The following AUTS2 variants were observed in gnomAD, a reference collection of about 807,000 sequenced individuals.
AUTS2 encodes the protein activator of transcription and developmental regulator AUTS2.
Under a neutral mutation model 112.4 loss-of-function variants are expected in AUTS2, and 17 were observed. The observed-to-expected ratio is 0.15, with a 90% CI of 0.10 to 0.23. The LOEUF is 0.23. Among genes scored for constraint, AUTS2 ranks in the 10% least tolerant of loss-of-function variants. AUTS2 has a pLI of 1.00. For missense variants in AUTS2, 1,510 were observed against 1,701.6 expected, an observed-to-expected ratio of 0.89 and a Z score of 1.98; for synonymous variants, 751 against 702.7, an observed-to-expected ratio of 1.07 and a Z score of -1.09.
intron 4 of AUTS2, among the ~76,000 whole-genome samples, chr7:70,211,220 C>T (rs563613163): frequency 6.6e-6 from 1 of 152,146 alleles, no homozygotes; most frequent in South Asian, 2.1e-4. Context: ...CTATGTATTT[C>T]CCCTTATAAA....
chr7:70,066,854 T>A (rs545641831), intron 2 of AUTS2, among the ~76,000 whole-genome samples: 1 of 152,204 alleles, frequency 6.6e-6, no homozygotes, highest in Non-Finnish European at 1.5e-5. Context: ...GTAAATAATT[T>A]TAAGAATCTT....
rs184513324 is a variant in AUTS2 at position 69,709,612 on chromosome 7, G to A, written c.309+109650G>A. ...AATAAGCACATTTCTGAAACCACCC[G>A]TCTGAGTGCACACTTGTGCAGATAA... On this transcript the variant is annotated intron_variant, in intron 1 of 18. Coordinates refer to ENST00000342771, the MANE Select transcript of AUTS2 (RefSeq NM_015570.4). 3.3e-5 allele frequency among the ~76,000 whole-genome samples: 5 copies of A among 152,286 alleles called. No homozygotes were observed. The East Asian group carries it at 9.7e-4, about 29-fold the overall frequency.
chr7:69,996,815 C>T (rs1317776187), intron 2 of AUTS2, among the ~76,000 whole-genome samples: 2 of 152,030 alleles, frequency 1.3e-5, no homozygotes, highest in Non-Finnish European at 1.5e-5. Flanking sequence ...AGCCCATTTA[C>T]TCATAAACTG....
chr7:70,759,714 C>T (rs953227567), intron 6 of AUTS2, among the ~76,000 whole-genome samples: 5 of 152,274 alleles, frequency 3.3e-5, no homozygotes, highest in South Asian at 4.2e-4. Flanking sequence ...GGGAAGCGAG[C>T]CCACGCCTGC....
chr7:70,527,073 T>A (rs1563017240), intron 5 of AUTS2, among the ~76,000 whole-genome samples: 1 of 152,246 alleles, frequency 6.6e-6, no homozygotes, highest in Non-Finnish European at 1.5e-5. Flanking sequence ...CTGAGCTGCC[T>A]TCCTGGGGTT....
intron 2 of AUTS2, among the ~76,000 whole-genome samples, chr7:70,101,611 C>G (rs1804499411): frequency 6.6e-6 from 1 of 152,146 alleles, no homozygotes; most frequent in Non-Finnish European, 1.5e-5. Flanking sequence ...ACAAGAATTG[C>G]TTGAACCTGG....
chr7:70,303,432 G>GCACACACACACA (rs762636923), intron 4 of AUTS2, among the ~76,000 whole-genome samples: 87 of 103,078 alleles, frequency 8.4e-4, no homozygotes, highest in African/African-American at 2.6e-3. Flanking sequence ...ACGCGCGCGC[G>GCACACACACACA]CGCACATACA....
At chr7:70,673,261 G>T (rs556551172) in intron 5 of AUTS2, among the ~76,000 whole-genome samples, 1 of 152,298 alleles carries the variant, frequency 6.6e-6, no homozygotes, top group African/African-American at 2.4e-5. Flanking sequence ...AGGAATAAGG[G>T]ACCTGGGCAG....
At chr7:70,018,702 C>T (rs1800140458) in intron 2 of AUTS2, among the ~76,000 whole-genome samples, 1 of 152,056 alleles carries the variant, frequency 6.6e-6, no homozygotes, top group Admixed American at 6.5e-5. Flanking sequence ...CATAATCTGC[C>T]GTGGTGAGTT....
At chr7:69,629,545 T>A in intron 1 of AUTS2, among the ~76,000 whole-genome samples, 1 of 152,218 alleles carries the variant, frequency 6.6e-6, no homozygotes, top group South Asian at 2.1e-4. Context: ...GACATTTTAA[T>A]GAGATGAGCC....
At chr7:70,479,679 A>T (rs1468564843) in intron 5 of AUTS2, among the ~76,000 whole-genome samples, 2 of 152,040 alleles carry the variant, frequency 1.3e-5, no homozygotes, top group East Asian at 3.9e-4. Context: ...TTGGTCGAGG[A>T]CATTGGTTTT....
chr7:69,715,241 A>T (rs200161137), intron 1 of AUTS2, among the ~76,000 whole-genome samples: 9,556 of 151,686 alleles, frequency 0.063, 341 homozygotes, highest in East Asian at 0.13. Flanking sequence ...AAAAAAAAAA[A>T]AAAAAGGAAA....
At chr7:69,938,396 T>C (rs1424802245) in intron 2 of AUTS2, among the ~76,000 whole-genome samples, 1 of 152,236 alleles carries the variant, frequency 6.6e-6, no homozygotes, top group African/African-American at 2.4e-5. Flanking sequence ...TCTCTACTTA[T>C]TTTAGTTTTT....
intron 5 of AUTS2, among the ~76,000 whole-genome samples, chr7:70,441,770 G>A (rs1444304712): frequency 6.6e-6 from 1 of 152,190 alleles, no homozygotes; most frequent in African/African-American, 2.4e-5. Context: ...AAGAAAAGGA[G>A]CAAAGAAAAC....
chr7:69,802,272 C>T (rs1340351193), intron 1 of AUTS2, among the ~76,000 whole-genome samples: 1 of 152,140 alleles, frequency 6.6e-6, no homozygotes, highest in Non-Finnish European at 1.5e-5. Context: ...CTGTCTTTTC[C>T]TTTTCATGGG....
chr7:70,698,503 A>T (rs1809260822), intron 5 of AUTS2, 66 bp from the exon 6 acceptor site: 2 of 1,312,268 alleles, frequency 1.5e-6, no homozygotes, highest in Non-Finnish European at 2.2e-6. Flanking sequence ...AAATAATGGG[A>T]ATGTTGATGG....
chr7:69,853,468 A>G (rs1056156467), intron 1 of AUTS2, among the ~76,000 whole-genome samples: 4 of 151,882 alleles, frequency 2.6e-5, no homozygotes, highest in Non-Finnish European at 5.9e-5. Flanking sequence ...GACTGTTTTC[A>G]TTGTATATAT....
In AUTS2 at chr7:70,789,790, A is replaced by C; in HGVS notation, c.2574A>C (p.Ala858=). 1 of 1,613,892 alleles carries C rather than the reference A, an allele frequency of 6.2e-7. No homozygotes were observed. The highest frequency in any genetic ancestry group is 8.5e-7 in the Non-Finnish European group (1 of 1,179,954). Residue 858 remains alanine (A), a synonymous_variant, in exon 19 of 19, where the codon GCA becomes GCC. Transcript: ENST00000342771. ...GACACTCCAGCCACCCTTCACCAGC[A>C]CCTGTCCTCCCGGTGAATGCCCTGG... ...EKRHSSHPSP[A]PVLPVNALGH... is the part of the protein sequence containing the mutation.
chr7:70,411,625 A>T (rs1794779689), intron 4 of AUTS2, among the ~76,000 whole-genome samples: 1 of 152,238 alleles, frequency 6.6e-6, no homozygotes, highest in Admixed American at 6.5e-5. Flanking sequence ...CAGTCAACTT[A>T]TAAAATTCAT....
Sources: allele counts gnomAD v4.1 joint callset (sites outside exome capture counted in the v4.1 genomes callset), GRCh38; gene constraint gnomAD v4.1.1; transcripts MANE v1.5; gene names NCBI Gene and HGNC (gene_info 2026-07-23, HGNC 2026-07-21).